Variants in KIRREL3 observed in about 807,000 individuals in gnomAD.
The protein encoded by KIRREL3 is kirre like nephrin family adhesion molecule 3.
KIRREL3 carries 36 observed loss-of-function variants against 89.7 expected under a neutral mutation model. The ratio of observed to expected loss-of-function variants is 0.40; its 90% CI spans 0.31 to 0.53. The LOEUF (loss-of-function observed/expected upper bound fraction) is 0.53, where lower values mean the gene tolerates loss of function less well. Among genes scored for constraint, KIRREL3 ranks in the 20% least tolerant of loss-of-function variants. The pLI is 0.49. For missense variants in KIRREL3, 864 were observed against 1,056.6 expected (o/e 0.82, Z 2.53); for synonymous variants, 445 against 441.4 (o/e 1.01, Z -0.10).
chr11:126,756,999 C>T (rs111253774), intron 1 of KIRREL3, among the ~76,000 whole-genome samples: 115 of 152,180 alleles, frequency 7.6e-4, no homozygotes, highest in Non-Finnish European at 1.2e-3. Context: ...AAATGCGGCT[C>T]CAATTCTCAC....
intron 1 of KIRREL3, among the ~76,000 whole-genome samples, chr11:126,670,656 G>A (rs1420696709): frequency 2.6e-5 from 4 of 152,202 alleles, no homozygotes; most frequent in African/African-American, 4.8e-5. Flanking sequence ...AGTTGGAATC[G>A]TGGTAAGCTG....
At chr11:126,493,740 A>G (rs774302448) in intron 4 of KIRREL3, among the ~76,000 whole-genome samples, 1 of 148,366 alleles carries the variant, frequency 6.7e-6, no homozygotes, top group Non-Finnish European at 1.5e-5. Context: ...CCCCTCACCC[A>G]CAGCAGCCTG....
chr11:126,870,980 G>A lies in KIRREL3; in HGVS notation c.55+129475C>T, dbSNP rs1945088899. ...TGGATCTCATTGCTCCAGAGAAGCA[G>A]GTCTGCCCATGCCCTGGAAGCTGGC... On this transcript the variant is annotated intron_variant, in intron 1 of 16. Coordinates refer to ENST00000525144, the MANE Select transcript of KIRREL3 (RefSeq NM_032531.4). The surrounding 1 kb of genome is among the most constrained non-coding windows in gnomAD (Gnocchi z 4.4). Among the ~76,000 whole-genome samples, 1 of 152,180 alleles carries A rather than the reference G, an allele frequency of 6.6e-6. No individual in the cohort carries two copies.
At chr11:126,842,949 AT>A (rs35233054) in intron 1 of KIRREL3, among the ~76,000 whole-genome samples, 35,415 of 150,090 alleles carry the variant, frequency 0.24, 4,760 homozygotes, top group Non-Finnish European at 0.31. Context: ...AGCATCACAG[AT>A]TTTTTTTTTT....
intron 7 of KIRREL3, 67 bp downstream of exon 7, chr11:126,456,282 T>A: frequency 9.6e-7 from 1 of 1,044,778 alleles, no homozygotes; most frequent in South Asian, 1.4e-5. Context: ...CTAAGTGACA[T>A]CCCACGTGAG....
chr11:126,478,657 A>G (rs971718999), intron 4 of KIRREL3, among the ~76,000 whole-genome samples: 11 of 128,992 alleles, frequency 8.5e-5, no homozygotes, highest in African/African-American at 5.5e-4. Flanking sequence ...ATGTATGTGT[A>G]TATGTATATA....
At position 126,428,660 on chromosome 11, in the gene KIRREL3, T is replaced by C. The variant is rs929548625; in HGVS notation, c.1806+519A>G. On this transcript the variant is annotated intron_variant, in intron 15 of 16. Transcript: ENST00000525144. This position sits in a 1 kb window ranked among gnomAD's most constrained non-coding sequence, Gnocchi z 6.4. ...GTAGACTGCATTTTTGTTGTTGTTGTTGTTTTGAGATGGAGTCTCGCTCTC... is the reference window on the plus strand; with the variant it reads ...GTAGACTGCATTTTTGTTGTTGTTGCTGTTTTGAGATGGAGTCTCGCTCTC... Among the ~76,000 whole-genome samples, 1 of 152,138 alleles carries C rather than the reference T, an allele frequency of 6.6e-6. No homozygotes were observed. The highest frequency in any genetic ancestry group is 2.4e-5 in the African/African-American group (1 of 41,412).
At chr11:126,868,343 G>A (rs1255756064) in intron 1 of KIRREL3, among the ~76,000 whole-genome samples, 5 of 152,172 alleles carry the variant, frequency 3.3e-5, no homozygotes, top group African/African-American at 9.7e-5. Flanking sequence ...AGAGGACCCC[G>A]TAGATCGATG....
chr11:126,762,923 G>A (rs1347798491), intron 1 of KIRREL3, among the ~76,000 whole-genome samples: 3 of 152,064 alleles, frequency 2.0e-5, no homozygotes, highest in Non-Finnish European at 4.4e-5. Context: ...TGCAACTCAC[G>A]ATTGACCCCA....
rs987854177 is a variant in KIRREL3 at position 126,429,132 on chromosome 11, C to T, written c.1806+47G>A. 1 of 1,282,716 alleles carries T rather than the reference C, an allele frequency of 7.8e-7. No homozygotes were observed. Among genetic ancestry groups the T allele is most frequent in the Non-Finnish European group, 1.1e-6 (1 of 886,750 alleles). 79.5% of individuals were successfully genotyped at this position (1,282,716 alleles called of 1,614,324 possible). A position where few individuals can be genotyped will look rare whatever the true frequency, so the allele number is the denominator to read the frequency against. On this transcript the variant is annotated intron_variant, in intron 15 of 16. Coordinates refer to ENST00000525144, the MANE Select transcript of KIRREL3 (RefSeq NM_032531.4). This position sits in a 1 kb window ranked among gnomAD's most constrained non-coding sequence, Gnocchi z 5.2. ...GAGAAGCCTCTAGTCCCAGGACCTT[C>T]TGGGAATGGAGTCACGGGATGGGAT...
In KIRREL3 at chr11:126,773,425, T is replaced by G. The variant is rs1950078623; in HGVS notation, c.56-210513A>C. ...TGGACTCCTTCCTGGGTCTCAGGTC[T>G]GACAGCCAACCCTGCAGATTTTGGA... On this transcript the variant is annotated intron_variant, in intron 1 of 16. Coordinates refer to ENST00000525144, the MANE Select transcript of KIRREL3 (RefSeq NM_032531.4). The surrounding 1 kb of genome is among the most constrained non-coding windows in gnomAD (Gnocchi z 4.2). Among the ~76,000 whole-genome samples, 1 of 152,246 alleles carries G rather than the reference T, an allele frequency of 6.6e-6. No homozygotes were observed. The highest frequency in any genetic ancestry group is 1.5e-5 in the Non-Finnish European group (1 of 68,046).
rs1179718257 is a variant in KIRREL3 at position 126,978,582 on chromosome 11, C to T, written c.55+21873G>A. Among the ~76,000 whole-genome samples, 3 of 152,278 alleles carry T rather than the reference C, an allele frequency of 2.0e-5. No individual in the cohort carries two copies. The highest frequency in any genetic ancestry group is 2.1e-4 in the South Asian group (1 of 4,818). On this transcript the variant is annotated intron_variant, in intron 1 of 16. Coordinates refer to ENST00000525144, the MANE Select transcript of KIRREL3 (RefSeq NM_032531.4). The surrounding 1 kb of genome is among the most constrained non-coding windows in gnomAD (Gnocchi z 4.2). ...CACTGATGCTCCTTGGTTCTGGCCA[C>T]GCCCAGCTCCGTGTGGGTCCCTGAG...
rs1382280010 is a variant in KIRREL3 at position 126,977,119 on chromosome 11, T to C, written c.55+23336A>G. ...TCTCTCTTTTCCTTTTTTCTTTTTC[T>C]GCAGGCTTCAGCTCCTTCTGGGTCT... On this transcript the variant is annotated intron_variant, in intron 1 of 16. Coordinates refer to ENST00000525144, the MANE Select transcript of KIRREL3 (RefSeq NM_032531.4). This position sits in a 1 kb window ranked among gnomAD's most constrained non-coding sequence, Gnocchi z 4.7. Among the ~76,000 whole-genome samples the C allele has an allele frequency of 6.6e-6, 1 of 152,212 alleles. No homozygotes were observed. Among genetic ancestry groups the C allele is most frequent in the Non-Finnish European group, 1.5e-5 (1 of 68,048 alleles).
At position 126,909,566 on chromosome 11, in the gene KIRREL3, C is replaced by T. The variant is rs74698213; in HGVS notation, c.55+90889G>A. Among the ~76,000 whole-genome samples the T allele has an allele frequency of 0.035, 5,273 of 152,212 alleles. 163 individuals carry two copies. Among genetic ancestry groups the T allele is most frequent in the African/African-American group, 0.076 (3,151 of 41,542 alleles). On this transcript the variant is annotated intron_variant, in intron 1 of 16. Coordinates refer to ENST00000525144, the MANE Select transcript of KIRREL3 (RefSeq NM_032531.4). The surrounding 1 kb of genome is among the most constrained non-coding windows in gnomAD (Gnocchi z 4.5). ...ATACACCCCGTGGGTAATTAACAAC[C>T]GAGAAAGGGCTCTGCTGAATGGAGT...
In KIRREL3 at chr11:126,697,273, A is replaced by G. The variant is rs114365156; in HGVS notation, c.56-134361T>C. ...ACTACAAGAAGGCGGGACTTCCTCT[A>G]TTGCCCTAGGCCCTGGGGTGAACTG... On this transcript the variant is annotated intron_variant, in intron 1 of 16. Coordinates refer to ENST00000525144, the MANE Select transcript of KIRREL3 (RefSeq NM_032531.4). The surrounding 1 kb of genome is among the most constrained non-coding windows in gnomAD (Gnocchi z 4.2). Among the ~76,000 whole-genome samples, 4 of 152,290 alleles carry G rather than the reference A, an allele frequency of 2.6e-5. No individual in the cohort carries two copies. The highest frequency in any genetic ancestry group is 9.6e-5 in the African/African-American group (4 of 41,550).
At position 126,912,461 on chromosome 11, in the gene KIRREL3, G is replaced by A. The variant is rs1394834527; in HGVS notation, c.55+87994C>T. On this transcript the variant is annotated intron_variant, in intron 1 of 16. Transcript: ENST00000525144. This position sits in a 1 kb window ranked among gnomAD's most constrained non-coding sequence, Gnocchi z 4.7. Reference sequence around the variant, plus strand: ...TTCCTCCAGCTGGTTCAGCACTTCCGATGGCTCCAGTCCTAAGCACCCCTC... The same window carrying A: ...TTCCTCCAGCTGGTTCAGCACTTCCAATGGCTCCAGTCCTAAGCACCCCTC... Among the ~76,000 whole-genome samples, 2 of 152,078 alleles carry A rather than the reference G, an allele frequency of 1.3e-5. No individual in the cohort carries two copies. The highest frequency in any genetic ancestry group is 2.4e-5 in the African/African-American group (1 of 41,390).
At chr11:126,488,343 G>C (rs1957421708) in intron 4 of KIRREL3, among the ~76,000 whole-genome samples, 1 of 152,224 alleles carries the variant, frequency 6.6e-6, no homozygotes, top group African/African-American at 2.4e-5. Flanking sequence ...GATCCCACAG[G>C]GTGACCCTGA....
At chr11:126,546,583 C>A (rs1389954896) in intron 2 of KIRREL3, among the ~76,000 whole-genome samples, 1 of 152,228 alleles carries the variant, frequency 6.6e-6, no homozygotes, top group Non-Finnish European at 1.5e-5. Context: ...ATAAAATATT[C>A]ATTTTCTCTC....
intron 1 of KIRREL3, among the ~76,000 whole-genome samples, chr11:126,593,356 C>T (rs1942239669): frequency 6.6e-6 from 1 of 152,228 alleles, no homozygotes; most frequent in Non-Finnish European, 1.5e-5. Context: ...ACGCCACCAG[C>T]TCTCTCTGGC....
Sources: gnomAD v4.1 joint callset for allele counts (sites outside exome capture counted in the v4.1 genomes callset) on GRCh38, gnomAD v4.1.1 for gene constraint, Gnocchi (gnomAD v3.1) non-coding constraint, MANE v1.5 for transcripts, NCBI Gene and HGNC (gene_info 2026-07-23, HGNC 2026-07-21) for gene names.